Variants in YTHDF2 observed in about 807,000 individuals in gnomAD.
The protein encoded by YTHDF2 is YTH domain-containing family protein 2.
A neutral mutation model predicts 50.4 loss-of-function variants in YTHDF2; 2 were observed. The ratio of observed to expected loss-of-function variants is 0.04; its 90% confidence interval spans 0.02 to 0.12. YTHDF2 has a LOEUF of 0.12. Among genes scored for constraint, YTHDF2 ranks in the 10% least tolerant of loss-of-function variants. The pLI, the probability that YTHDF2 is intolerant of heterozygous loss-of-function variation, is 1.00. For missense variants in YTHDF2, 483 were observed against 722.6 expected, an observed-to-expected ratio of 0.67 and a Z score of 3.80; for synonymous variants, 217 against 255.6, an observed-to-expected ratio of 0.85 and a Z score of 1.44.
intron 4 of YTHDF2, among the ~76,000 whole-genome samples, chr1:28,751,566 C>T (rs551510585): frequency 3.9e-5 from 6 of 152,338 alleles, no homozygotes; most frequent in African/African-American, 1.4e-4. Context: ...TCATCACCTT[C>T]CTTGCTTTGT....
In YTHDF2 at chr1:28,737,050, G is replaced by C. The variant is rs982625073; in HGVS notation, c.-71G>C. 7.1e-6 allele frequency: 11 copies of C among 1,544,540 alleles called. No individual in the cohort carries two copies. Among genetic ancestry groups the C allele is most frequent in the Admixed American group, 1.9e-5 (1 of 51,364 alleles). ...AAGCCTCCGCCTGCTCCCGCAGACG[G>C]GGCTCATCTGCCGCCGCCGCCGCGC... On this transcript the variant is annotated 5_prime_UTR_variant, in exon 1 of 5. Transcript: ENST00000373812.
intron 4 of YTHDF2, among the ~76,000 whole-genome samples, chr1:28,757,363 G>T (rs1215978193): frequency 1.3e-5 from 2 of 152,170 alleles, no homozygotes; most frequent in South Asian, 2.1e-4. Flanking sequence ...GAAAGATGAA[G>T]AAAATGGCCA....
At chr1:28,754,284 T>G (rs1037586060) in intron 4 of YTHDF2, among the ~76,000 whole-genome samples, 16 of 152,208 alleles carry the variant, frequency 1.1e-4, no homozygotes, top group African/African-American at 3.4e-4. Context: ...TTCCAGCACT[T>G]TGGGAGGCCA....
intron 4 of YTHDF2, among the ~76,000 whole-genome samples, chr1:28,758,869 A>G (rs1283066235): frequency 6.6e-5 from 10 of 152,214 alleles, no homozygotes. Context: ...GAGCTTCAGT[A>G]TATAAATGCC....
rs149331848 is a variant in YTHDF2, at chr1:28,763,518, C to T, written c.1717-5411C>T. Among the ~76,000 whole-genome samples the T allele has an allele frequency of 3.0e-3, 451 of 151,766 alleles. 5 individuals carry two copies. The highest frequency in any genetic ancestry group is 9.9e-3 in the African/African-American group (408 of 41,402). On this transcript the variant is annotated intron_variant, in intron 4 of 4. Transcript: ENST00000373812. ...TTGCTCAGGCTGGAGTGCAGTGGTGCGATCTCAGCTCAGTGCAACCTCCAC... is the reference window on the plus strand; with the variant it reads ...TTGCTCAGGCTGGAGTGCAGTGGTGTGATCTCAGCTCAGTGCAACCTCCAC...
At chr1:28,759,047 G>A (rs1481177071) in intron 4 of YTHDF2, among the ~76,000 whole-genome samples, 5 of 152,120 alleles carry the variant, frequency 3.3e-5, no homozygotes, top group African/African-American at 1.2e-4. Context: ...AAGTTTTTCA[G>A]TTAGTACAAA....
chr1:28,766,131 G>A (rs939880152), intron 4 of YTHDF2, among the ~76,000 whole-genome samples: 2 of 152,278 alleles, frequency 1.3e-5, no homozygotes, highest in African/African-American at 4.8e-5. Flanking sequence ...TTGAGATAGG[G>A]TCTCATTCTG....
chr1:28,754,242 A>G (rs755610912), intron 4 of YTHDF2, among the ~76,000 whole-genome samples: 6 of 152,112 alleles, frequency 3.9e-5, no homozygotes, highest in Non-Finnish European at 7.4e-5. Context: ...CAAAACATCT[A>G]TGAGGCTGGG....
chr1:28,754,516 C>T (rs778834556), intron 4 of YTHDF2, among the ~76,000 whole-genome samples: 3 of 143,328 alleles, frequency 2.1e-5, no homozygotes, highest in African/African-American at 5.3e-5. Flanking sequence ...GGCGAAAGAG[C>T]GAGACTGTGT....
chr1:28,744,675 A>G (rs2087831705), intron 4 of YTHDF2, among the ~76,000 whole-genome samples: 1 of 152,088 alleles, frequency 6.6e-6, no homozygotes, highest in African/African-American at 2.4e-5. Context: ...TCTGGGATTT[A>G]TACTTACTTT....
Position 28,769,171 on chromosome 1 carries a change from G to C in YTHDF2, c.*219G>C. On this transcript the variant is annotated 3_prime_UTR_variant, in exon 5 of 5. Transcript: ENST00000373812. ...AAAAACTAAACAAAAAATCCCTCTA[G>C]GTAGTTTAGGTGAAAAATGTCCCTT... The C allele has an allele frequency of 2.7e-6, 1 of 371,118 alleles. No individual in the cohort carries two copies. Among genetic ancestry groups the C allele is most frequent in the Non-Finnish European group, 4.9e-6 (1 of 205,034 alleles). 23.0% of individuals were successfully genotyped at this position (371,118 alleles called of 1,614,324 possible).
At chr1:28,748,239 C>CT (rs1356104983) in intron 4 of YTHDF2, among the ~76,000 whole-genome samples, 3 of 152,134 alleles carry the variant, frequency 2.0e-5, no homozygotes, top group Non-Finnish European at 4.4e-5. Context: ...CTGTTGGTTA[C>CT]TATTTTCCTT....
intron 4 of YTHDF2, 29 bp downstream of exon 4, chr1:28,744,015 T>A (rs753102600): frequency 6.6e-7 from 1 of 1,516,324 alleles, no homozygotes; most frequent in Admixed American, 2.3e-5. Context: ...TTAAGATTTT[T>A]AGGGAAGGAG....
chr1:28,752,098 G>A (rs1039414764), intron 4 of YTHDF2, among the ~76,000 whole-genome samples: 3 of 152,240 alleles, frequency 2.0e-5, no homozygotes, highest in Admixed American at 6.5e-5. Context: ...CCAGCGATGT[G>A]TTGGAGCTGG....
At chr1:28,745,063 T>G (rs564423907) in intron 4 of YTHDF2, among the ~76,000 whole-genome samples, 1 of 152,342 alleles carries the variant, frequency 6.6e-6, no homozygotes, top group East Asian at 1.9e-4. Context: ...AATCCTGAGT[T>G]GATTAATCTC....
intron 3 of YTHDF2, among the ~76,000 whole-genome samples, chr1:28,740,000 C>T (rs1006121205): frequency 6.6e-6 from 1 of 152,134 alleles, no homozygotes; most frequent in African/African-American, 2.4e-5. Context: ...AGTTGGTAGT[C>T]CTGAATAACT....
intron 4 of YTHDF2, among the ~76,000 whole-genome samples, 188 bp downstream of exon 4, chr1:28,744,174 T>A (rs948450315): frequency 6.6e-6 from 1 of 152,144 alleles, no homozygotes; most frequent in South Asian, 2.1e-4. Flanking sequence ...GTGAGAACAT[T>A]AGTAGAGGAC....
At chr1:28,762,591 G>GTGAATA (rs1278024081) in intron 4 of YTHDF2, among the ~76,000 whole-genome samples, 9 of 152,140 alleles carry the variant, frequency 5.9e-5, no homozygotes, top group African/African-American at 1.7e-4. Flanking sequence ...TTATATCCAG[G>GTGAATA]TGAATATGAA....
intron 4 of YTHDF2, among the ~76,000 whole-genome samples, chr1:28,765,959 A>G (rs1256286736): frequency 6.6e-6 from 1 of 152,216 alleles, no homozygotes; most frequent in Non-Finnish European, 1.5e-5. Flanking sequence ...AAATCAGGAA[A>G]TTTAATTGAC....
Sources: gnomAD v4.1 joint callset for allele counts (sites outside exome capture counted in the v4.1 genomes callset) on GRCh38, gnomAD v4.1.1 for gene constraint, MANE v1.5 for transcripts, NCBI Gene and HGNC (gene_info 2026-07-23, HGNC 2026-07-21) for gene names.